The following FGD4 variants were observed in gnomAD, a reference collection of about 807,000 sequenced individuals.
FGD4 encodes FYVE, RhoGEF and PH domain containing 4.
Under a neutral mutation model 102.0 loss-of-function variants are expected in FGD4, and 42 were observed. That is an observed-to-expected ratio of 0.41 (90% CI 0.32 to 0.53). The LOEUF is 0.53. Ranked by LOEUF, FGD4 falls within the 20% of genes least tolerant of loss-of-function variation. The probability of loss-of-function intolerance (pLI) is 0.21; values close to 1 mark genes in which losing one functional copy is unlikely to be tolerated. For synonymous variants in FGD4, 380 were observed against 375.7 expected (o/e 1.01, Z -0.13); for missense variants, 902 against 1,078.2 (o/e 0.84, Z 2.29).
intron 2 of FGD4, among the ~76,000 whole-genome samples, chr12:32,572,967 G>A (rs1156497567): frequency 6.6e-6 from 1 of 152,228 alleles, no homozygotes; most frequent in African/African-American, 2.4e-5. Context: ...GCTAAGAAAG[G>A]TGGCCATGAA....
intron 1 of FGD4, among the ~76,000 whole-genome samples, chr12:32,411,383 A>C (rs1347245111): frequency 2.0e-5 from 3 of 151,680 alleles, no homozygotes; most frequent in Non-Finnish European, 2.9e-5. Context: ...AAAATACAAA[A>C]GTTAGCCGGG....
rs550710652 is a variant in FGD4 at position 32,469,666 on chromosome 12, G to GTT, written c.166+69716_166+69717dup. 1.9e-4 allele frequency among the ~76,000 whole-genome samples: 27 copies of GTT among 141,210 alleles called. No individual in the cohort carries two copies. In the South Asian group the frequency reaches 4.5e-3, roughly 23 times the overall value. The allele number at this position is 141,210 out of a possible 152,430, so 92.6% of individuals were successfully genotyped here. ...TAAACCAATTTTCTTTTTCTTCTTT[G>GTT]TTTTTTTTTTGAGACGGAGTTTTGC... On this transcript the variant is annotated intron_variant, in intron 1 of 16. Coordinates refer to ENST00000534526, the MANE Select transcript of FGD4 (RefSeq NM_001370298.3).
chr12:32,485,045 G>C (rs566743067), intron 1 of FGD4, among the ~76,000 whole-genome samples: 2 of 152,140 alleles, frequency 1.3e-5, no homozygotes. Context: ...GGGATGACAG[G>C]CACATGCCAT....
At chr12:32,534,377 A>G in intron 1 of FGD4, 2 of 1,478,522 alleles carry the variant, frequency 1.4e-6, no homozygotes, top group Non-Finnish European at 8.9e-7. Flanking sequence ...GCCTCCCTGA[A>G]GCTTTACAGC....
At chr12:32,601,826 G>A (rs1948446330) in intron 6 of FGD4, among the ~76,000 whole-genome samples, 1 of 152,182 alleles carries the variant, frequency 6.6e-6, no homozygotes, top group Admixed American at 6.5e-5. Flanking sequence ...ATCTTAATGT[G>A]CCGGGCGTGG....
chr12:32,448,674 A>G (rs1420833477), intron 1 of FGD4, among the ~76,000 whole-genome samples: 19 of 151,154 alleles, frequency 1.3e-4, no homozygotes, highest in African/African-American at 4.1e-4. Flanking sequence ...AAAAAAAAAG[A>G]AAAAGGGGTG....
At chr12:32,564,100 C>G in intron 1 of FGD4, 37 bp from the exon 2 acceptor site, 1 of 1,526,366 alleles carries the variant, frequency 6.6e-7, no homozygotes, top group East Asian at 2.5e-5. Context: ...TGATATGCCT[C>G]CATACTTACC....
intron 1 of FGD4, among the ~76,000 whole-genome samples, chr12:32,476,124 G>A (rs777664063): frequency 2.6e-5 from 4 of 151,830 alleles, no homozygotes; most frequent in Non-Finnish European, 4.4e-5. Flanking sequence ...CTTTTTCTTA[G>A]GTCTCCATTT....
intron 1 of FGD4, among the ~76,000 whole-genome samples, chr12:32,540,678 G>C (rs1267883440): frequency 6.6e-6 from 1 of 151,210 alleles, no homozygotes. Flanking sequence ...CAATTCTCCT[G>C]CCTCAGCCTC....
At chr12:32,560,038 G>A (rs766311921) in intron 1 of FGD4, among the ~76,000 whole-genome samples, 7 of 152,186 alleles carry the variant, frequency 4.6e-5, no homozygotes, top group South Asian at 4.2e-4. Context: ...ACTAGACCCC[G>A]GGAGGTGGCC....
chr12:32,494,148 C>T (rs997296496), intron 1 of FGD4, among the ~76,000 whole-genome samples: 1 of 152,224 alleles, frequency 6.6e-6, no homozygotes, highest in Non-Finnish European at 1.5e-5. Flanking sequence ...AGGCAATCCT[C>T]CTGCCTCAAC....
intron 14 of FGD4, among the ~76,000 whole-genome samples, chr12:32,626,019 C>T (rs1340652016): frequency 6.6e-6 from 1 of 152,004 alleles, no homozygotes; most frequent in Non-Finnish European, 1.5e-5. Context: ...TTTCAAATTA[C>T]TATAGATGAA....
intron 1 of FGD4, among the ~76,000 whole-genome samples, chr12:32,439,348 C>A (rs1360392546): frequency 2.0e-5 from 3 of 152,188 alleles, no homozygotes; most frequent in Non-Finnish European, 4.4e-5. Context: ...GCCACATTTT[C>A]TATTCAGCTG....
chr12:32,438,643 T>A (rs1487509495), intron 1 of FGD4, among the ~76,000 whole-genome samples: 1 of 151,476 alleles, frequency 6.6e-6, no homozygotes, highest in African/African-American at 2.4e-5. Flanking sequence ...GGAGTCTCGC[T>A]CTGTCACCCA....
intron 1 of FGD4, among the ~76,000 whole-genome samples, chr12:32,536,030 A>G (rs1456301682): frequency 1.3e-5 from 2 of 152,140 alleles, no homozygotes; most frequent in Admixed American, 6.5e-5. Flanking sequence ...TTGTTAAATC[A>G]TCTAAGAAAA....
chr12:32,399,742 G>A lies in FGD4; in HGVS notation c.-52G>A. 1 of 1,515,954 alleles carries A rather than the reference G, an allele frequency of 6.6e-7. No individual in the cohort carries two copies. Among genetic ancestry groups the A allele is most frequent in the Non-Finnish European group, 8.8e-7 (1 of 1,139,744 alleles). The allele number at this position is 1,515,954 out of a possible 1,614,324, so 93.9% of individuals were successfully genotyped here. A position where few individuals can be genotyped will look rare whatever the true frequency, so the allele number is the denominator to read the frequency against. On this transcript the variant is annotated 5_prime_UTR_variant, in exon 1 of 17. Coordinates refer to ENST00000534526, the MANE Select transcript of FGD4 (RefSeq NM_001370298.3). The stretch of plus-strand genomic sequence containing the variant: ...AGGCGACGCCCCCCAGGGGCCGCTC[G>A]CGGCTGGACGGGAGCGGGAGGAGTC...
At chr12:32,416,884 CTTTTCT>C (rs1214709594) in intron 1 of FGD4, among the ~76,000 whole-genome samples, 5 of 151,436 alleles carry the variant, frequency 3.3e-5, no homozygotes, top group African/African-American at 4.8e-5. Context: ...CATTAACGTC[CTTTTCT>C]TTTTCTTTTT....
intron 2 of FGD4, among the ~76,000 whole-genome samples, chr12:32,565,423 T>C (rs1565848956): frequency 6.6e-6 from 1 of 152,208 alleles, no homozygotes; most frequent in East Asian, 1.9e-4. Flanking sequence ...GACGTGAATA[T>C]AAACATAGGA....
chr12:32,507,199 G>A (rs984712777), intron 1 of FGD4, among the ~76,000 whole-genome samples: 1 of 151,264 alleles, frequency 6.6e-6, no homozygotes, highest in African/African-American at 2.4e-5. Context: ...TTGTCCTTGC[G>A]ATAGTTTACT....
Sources: allele counts gnomAD v4.1 joint callset (sites outside exome capture counted in the v4.1 genomes callset), GRCh38; gene constraint gnomAD v4.1.1; transcripts MANE v1.5; gene names NCBI Gene and HGNC (gene_info 2026-07-23, HGNC 2026-07-21).